SUSD4: variants seen among roughly 807,000 people sequenced by gnomAD.
SUSD4 encodes sushi domain-containing protein 4.
A neutral mutation model predicts 50.5 loss-of-function variants in SUSD4; 41 were observed. The observed-to-expected ratio is 0.81, with a 90% confidence interval of 0.63 to 1.05. The LOEUF (loss-of-function observed/expected upper bound fraction) is 1.05. SUSD4 is among the 50% of genes least tolerant of loss of function. The pLI, the probability that SUSD4 is intolerant of heterozygous loss-of-function variation, is 0.00. For synonymous variants in SUSD4, 257 were observed against 257.3 expected (o/e 1.00, Z 0.01); for missense variants, 580 against 634.7 (o/e 0.91, Z 0.93).
rs1459665855 is a variant in SUSD4 at position 223,268,679 on chromosome 1, CA to C, written c.362-5del. ...TCGATTTGAGGGATACGGCAATCTG[CA>C]ATTTTGTAAAAGGTACACATTATTT... On this transcript the variant is annotated splice_polypyrimidine_tract_variant and splice_region_variant and intron_variant, in intron 3 of 8. Coordinates refer to ENST00000366878, the MANE Select transcript of SUSD4 (RefSeq NM_017982.4). The C allele has an allele frequency of 6.2e-7, 1 of 1,607,408 alleles. No individual in the cohort carries two copies. Among genetic ancestry groups the C allele is most frequent in the Non-Finnish European group, 8.5e-7 (1 of 1,176,906 alleles).
chr1:223,234,899 G>C, intron 5 of SUSD4: 16 of 1,542,978 alleles, frequency 1.0e-5, no homozygotes, highest in Non-Finnish European at 1.4e-5. Context: ...ATACAGTATA[G>C]GATAAAAATG....
At chr1:223,330,983 C>T (rs1002540465) in intron 2 of SUSD4, among the ~76,000 whole-genome samples, 2 of 152,126 alleles carry the variant, frequency 1.3e-5, no homozygotes, top group Non-Finnish European at 2.9e-5. Context: ...ATGCCTTGTA[C>T]TTACATACTC....
intron 5 of SUSD4, among the ~76,000 whole-genome samples, chr1:223,254,522 G>C (rs979007648): frequency 3.3e-5 from 5 of 152,190 alleles, no homozygotes; most frequent in African/African-American, 4.8e-5. Flanking sequence ...GATTCGGAGA[G>C]AGAGGATGAG....
intron 2 of SUSD4, among the ~76,000 whole-genome samples, chr1:223,300,491 T>C (rs546800588): frequency 5.9e-4 from 90 of 152,266 alleles, no homozygotes; most frequent in African/African-American, 1.6e-3. Context: ...AAAAGAATCA[T>C]AAAAATGAAA....
At position 223,321,886 on chromosome 1, in the gene SUSD4, C is replaced by T. The variant is rs138634664; in HGVS notation, c.149-29235G>A. On this transcript the variant is annotated intron_variant, in intron 2 of 8. Transcript: ENST00000366878. Reference sequence around the variant, plus strand: ...AATAACGTTTACTTTGGGTCTAATACGGGTAGAGTATCTCTTATCTAAAAC... The same window carrying T: ...AATAACGTTTACTTTGGGTCTAATATGGGTAGAGTATCTCTTATCTAAAAC... 5.3e-5 allele frequency among the ~76,000 whole-genome samples: 8 copies of T among 152,262 alleles called. No individual in the cohort carries two copies. The East Asian group carries it at 1.2e-3, about 22-fold the overall frequency.
chr1:223,339,804 A>G (rs1018140162), intron 2 of SUSD4, among the ~76,000 whole-genome samples: 2 of 152,218 alleles, frequency 1.3e-5, no homozygotes, highest in Non-Finnish European at 2.9e-5. Context: ...CCCCTCAGGA[A>G]GCAGAAGGCT....
At chr1:223,291,936 G>A (rs1571990051) in intron 3 of SUSD4, among the ~76,000 whole-genome samples, 1 of 152,350 alleles carries the variant, frequency 6.6e-6, no homozygotes, top group South Asian at 2.1e-4. Context: ...ATAATTGCTA[G>A]AAATAAATGT....
intron 5 of SUSD4, among the ~76,000 whole-genome samples, chr1:223,237,711 G>A (rs1035895673): frequency 2.0e-5 from 3 of 151,932 alleles, no homozygotes; most frequent in South Asian, 4.1e-4. Flanking sequence ...TGGTCATGGT[G>A]TATAATTTTT....
intron 2 of SUSD4, among the ~76,000 whole-genome samples, chr1:223,304,855 T>TGC (rs1211128220): frequency 1.4e-4 from 12 of 86,846 alleles, no homozygotes; most frequent in African/African-American, 4.6e-4. Context: ...TATATATATA[T>TGC]ATGCTATGTG....
At chr1:223,334,835 C>G (rs1667369817) in intron 2 of SUSD4, among the ~76,000 whole-genome samples, 1 of 152,096 alleles carries the variant, frequency 6.6e-6, no homozygotes, top group Non-Finnish European at 1.5e-5. Flanking sequence ...TCTTTTATCC[C>G]TCACCCCCTT....
intron 2 of SUSD4, among the ~76,000 whole-genome samples, chr1:223,349,690 CT>C (rs1447665097): frequency 6.6e-6 from 1 of 152,178 alleles, no homozygotes; most frequent in African/African-American, 2.4e-5. Flanking sequence ...TGCTCATGTT[CT>C]TTCCCCCTTC....
intron 2 of SUSD4, among the ~76,000 whole-genome samples, chr1:223,335,555 T>A (rs1667411019): frequency 6.6e-6 from 1 of 152,130 alleles, no homozygotes; most frequent in African/African-American, 2.4e-5. Flanking sequence ...TTAACAATAA[T>A]GGTCAAGGAA....
chr1:223,356,638 TTGAGAAGA>T (rs1442721123), intron 2 of SUSD4, among the ~76,000 whole-genome samples: 1 of 152,066 alleles, frequency 6.6e-6, no homozygotes, highest in Non-Finnish European at 1.5e-5. Flanking sequence ...CAGCATACGG[TTGAGAAGA>T]TAAGTTCAAA....
At chr1:223,313,243 AG>A (rs1321678364) in intron 2 of SUSD4, among the ~76,000 whole-genome samples, 5 of 152,050 alleles carry the variant, frequency 3.3e-5, no homozygotes, top group Non-Finnish European at 7.4e-5. Context: ...TGACAAGGAG[AG>A]GGGGCATGCA....
chr1:223,227,873 CAG>C lies in SUSD4; in HGVS notation c.917-137_917-136del. On this transcript the variant is annotated intron_variant, in intron 6 of 8. Coordinates refer to ENST00000366878, the MANE Select transcript of SUSD4 (RefSeq NM_017982.4). This position sits in a 1 kb window ranked among gnomAD's most constrained non-coding sequence, Gnocchi z 4.5. Reference sequence around the variant, plus strand: ...GGTGCCTCTGACCCCCAGGGCTCGGCAGAGATACCATGTGCCCCTGTAGCTCA... The same window carrying C: ...GGTGCCTCTGACCCCCAGGGCTCGGCAGATACCATGTGCCCCTGTAGCTCA... The C allele has an allele frequency of 8.8e-7, 1 of 1,135,904 alleles. No individual in the cohort carries two copies. Among genetic ancestry groups the C allele is most frequent in the Non-Finnish European group, 1.2e-6 (1 of 813,372 alleles). 70.4% of individuals were successfully genotyped at this position (1,135,904 alleles called of 1,614,324 possible).
intron 2 of SUSD4, among the ~76,000 whole-genome samples, chr1:223,324,750 C>T (rs1270318507): frequency 6.6e-6 from 1 of 151,626 alleles, no homozygotes; most frequent in Non-Finnish European, 1.5e-5. Flanking sequence ...CCACCCACAA[C>T]AGCACTTGGG....
At chr1:223,246,615 C>T (rs1660949083) in intron 5 of SUSD4, among the ~76,000 whole-genome samples, 1 of 152,026 alleles carries the variant, frequency 6.6e-6, no homozygotes, top group South Asian at 2.1e-4. Context: ...AGGGGCTGGC[C>T]TCTGACAGGC....
chr1:223,230,305 C>T (rs1659808895), intron 5 of SUSD4, among the ~76,000 whole-genome samples: 1 of 151,828 alleles, frequency 6.6e-6, no homozygotes, highest in South Asian at 2.1e-4. Flanking sequence ...GCTGCTTAAA[C>T]ATTCTTCAAG....
In SUSD4 at chr1:223,332,365, T is replaced by C. The variant is rs1667222995; in HGVS notation, c.148+30913A>G. On this transcript the variant is annotated intron_variant, in intron 2 of 8. Coordinates refer to ENST00000366878, the MANE Select transcript of SUSD4 (RefSeq NM_017982.4). This position sits in a 1 kb window ranked among gnomAD's most constrained non-coding sequence, Gnocchi z 4.0. ...CATATCTATATTCAGACACGGTACC[T>C]GAATTTCCAACAAGCATCAAAAGGA... 6.6e-6 allele frequency among the ~76,000 whole-genome samples: 1 copy of C among 152,204 alleles called. No homozygotes were observed.
Sources: allele counts gnomAD v4.1 joint callset (sites outside exome capture counted in the v4.1 genomes callset), GRCh38; gene constraint gnomAD v4.1.1; non-coding constraint Gnocchi (gnomAD v3.1); transcripts MANE v1.5; gene names NCBI Gene and HGNC (gene_info 2026-07-23, HGNC 2026-07-21).